The following PXK variants were observed in gnomAD, a reference collection of about 807,000 sequenced individuals.
PXK encodes PX domain-containing protein kinase-like protein.
Under a neutral mutation model 84.7 loss-of-function variants are expected in PXK, and 35 were observed. The observed-to-expected ratio is 0.41, with a 90% CI of 0.32 to 0.55. The LOEUF (loss-of-function observed/expected upper bound fraction) is 0.55, where lower values mean the gene tolerates loss of function less well. Among genes scored for constraint, PXK ranks in the 20% least tolerant of loss-of-function variants. PXK has a pLI of 0.21. For missense variants in PXK, 634 were observed against 699.7 expected (o/e 0.91, Z 1.06); for synonymous variants, 253 against 260.8 (o/e 0.97, Z 0.29).
In PXK at chr3:58,420,937, A is replaced by G. The variant is rs2061730706; in HGVS notation, c.1529-3815A>G. On this transcript the variant is annotated intron_variant, in intron 17 of 17. Coordinates refer to ENST00000356151, the MANE Select transcript of PXK (RefSeq NM_017771.5). ...TTGATTCCTAGTTACTCTGATGAAG[A>G]GGAAAGAGTGTTAGGCACTTGAGCT... is the stretch of plus-strand genomic sequence containing the variant. 4 of 1,088,698 alleles carry G rather than the reference A, an allele frequency of 3.7e-6. No homozygotes were observed. The South Asian group carries it at 1.0e-4, about 28-fold the overall frequency. 67.4% of individuals were successfully genotyped at this position (1,088,698 alleles called of 1,614,324 possible).
At position 58,333,239 on chromosome 3, in the gene PXK, G is replaced by A; in HGVS notation, c.102+149G>A. On this transcript the variant is annotated intron_variant, in intron 1 of 17. Coordinates refer to ENST00000356151, the MANE Select transcript of PXK (RefSeq NM_017771.5). The surrounding 1 kb of genome is among the most constrained non-coding windows in gnomAD (Gnocchi z 5.4). ...CTGGCCGAGAAGGCTGTGGCGCGCCGCTGGGTCTGGGTCAGGGCCCCTGGG... is the reference window on the plus strand; with the variant it reads ...CTGGCCGAGAAGGCTGTGGCGCGCCACTGGGTCTGGGTCAGGGCCCCTGGG... 1 of 360,998 alleles carries A rather than the reference G, an allele frequency of 2.8e-6. No individual in the cohort carries two copies. The highest frequency in any genetic ancestry group is 3.9e-6 in the Non-Finnish European group (1 of 254,608). The allele number at this position is 360,998 out of a possible 1,614,324, so 22.4% of individuals were successfully genotyped here.
intron 1 of PXK, among the ~76,000 whole-genome samples, chr3:58,354,750 A>T (rs1187912328): frequency 6.6e-6 from 1 of 151,086 alleles, no homozygotes; most frequent in Non-Finnish European, 1.5e-5. Context: ...GCCTGGCCCG[A>T]TTTCTTTAAG....
intron 1 of PXK, among the ~76,000 whole-genome samples, chr3:58,357,976 A>C (rs2098120097): frequency 6.6e-6 from 1 of 151,976 alleles, no homozygotes; most frequent in South Asian, 2.1e-4. Flanking sequence ...AAACAAAAAA[A>C]CAAAAAAACA....
At position 58,414,019 on chromosome 3, in the gene PXK, G is replaced by A. The variant is rs1342316519; in HGVS notation, c.1528+1056G>A. The A allele has an allele frequency of 2.0e-5, 3 of 152,100 alleles. No individual in the cohort carries two copies. Among genetic ancestry groups the A allele is most frequent in the Admixed American group, 6.6e-5 (1 of 15,264 alleles). The allele number at this position is 152,100 out of a possible 1,614,324, so 9.4% of individuals were successfully genotyped here. A position where few individuals can be genotyped will look rare whatever the true frequency, so the allele number is the denominator to read the frequency against. ...GCTGAATGTTCTAGGGCCTGTTTTG[G>A]GTAGCAAAGTACCTGGTCCATGGGA... On this transcript the variant is annotated intron_variant, in intron 17 of 17. Transcript: ENST00000356151. The surrounding 1 kb of genome is among the most constrained non-coding windows in gnomAD (Gnocchi z 4.5).
chr3:58,382,959 C>G (rs925437769), intron 4 of PXK, among the ~76,000 whole-genome samples: 1 of 152,184 alleles, frequency 6.6e-6, no homozygotes, highest in African/African-American at 2.4e-5. Flanking sequence ...TACTTATACT[C>G]TTGCCTTTAT....
At chr3:58,350,901 C>T (rs2097910029) in intron 1 of PXK, among the ~76,000 whole-genome samples, 3 of 152,154 alleles carry the variant, frequency 2.0e-5, no homozygotes, top group East Asian at 1.9e-4. Flanking sequence ...TTTATATGTA[C>T]GTTATCCTAA....
In PXK at chr3:58,398,350, G is replaced by A. The variant is rs967306053; in HGVS notation, c.1102+628G>A. ...CGCCTCTTGGGAGGTGGAGGTTGCA[G>A]TGAGCCGAGATTGCGCCACTGCACT... On this transcript the variant is annotated intron_variant, in intron 11 of 17. Transcript: ENST00000356151. This position sits in a 1 kb window ranked among gnomAD's most constrained non-coding sequence, Gnocchi z 4.5. Among the ~76,000 whole-genome samples the A allele has an allele frequency of 2.0e-5, 3 of 152,194 alleles. No individual in the cohort carries two copies. The highest frequency in any genetic ancestry group is 4.8e-5 in the African/African-American group (2 of 41,444).
chr3:58,369,404 C>T, intron 2 of PXK, 27 bp from the exon 3 acceptor site: 1 of 1,583,654 alleles, frequency 6.3e-7, no homozygotes, highest in Non-Finnish European at 8.7e-7. Context: ...TTTGCTGAAT[C>T]AAAACACTAC....
chr3:58,357,435 A>G lies in PXK; in HGVS notation c.103-8439A>G, dbSNP rs183858092. On this transcript the variant is annotated intron_variant, in intron 1 of 17. Transcript: ENST00000356151. Reference sequence around the variant, plus strand: ...CACATGGAGCTCTCCTATGATAGCAATGCCTTCTGGACACCTCCTGAAGGA... The same window carrying G: ...CACATGGAGCTCTCCTATGATAGCAGTGCCTTCTGGACACCTCCTGAAGGA... 2.2e-3 allele frequency among the ~76,000 whole-genome samples: 328 copies of G among 152,316 alleles called. 2 individuals carry two copies. The highest frequency in any genetic ancestry group is 3.0e-3 in the Non-Finnish European group (201 of 68,020).
At position 58,414,428 on chromosome 3, in the gene PXK, TG is replaced by T. The variant is rs1560129678; in HGVS notation, c.1528+1471del. ...GGAATTTACAATTTATTTGGACTTT[TG>T]GGGGGAATTCTCTAATTTATCTGTG... On this transcript the variant is annotated intron_variant, in intron 17 of 17. Transcript: ENST00000356151. The surrounding 1 kb of genome is among the most constrained non-coding windows in gnomAD (Gnocchi z 4.5). The T allele has an allele frequency of 1.3e-5, 2 of 152,252 alleles. No homozygotes were observed. Among genetic ancestry groups the T allele is most frequent in the African/African-American group, 2.4e-5 (1 of 41,466 alleles). The allele number at this position is 152,252 out of a possible 1,614,324, so 9.4% of individuals were successfully genotyped here. A position where few individuals can be genotyped will look rare whatever the true frequency, so the allele number is the denominator to read the frequency against.
chr3:58,415,898 G>A (rs1016495323), intron 17 of PXK, among the ~76,000 whole-genome samples: 1 of 152,170 alleles, frequency 6.6e-6, no homozygotes, highest in Non-Finnish European at 1.5e-5. Flanking sequence ...AGCTTAAAAG[G>A]GCGGGACATC....
chr3:58,357,796 A>G (rs1412955693), intron 1 of PXK, among the ~76,000 whole-genome samples: 1 of 152,072 alleles, frequency 6.6e-6, no homozygotes, highest in Non-Finnish European at 1.5e-5. Context: ...CTAAAAATAC[A>G]AAAATTAGCC....
At position 58,333,605 on chromosome 3, in the gene PXK, G is replaced by A. The variant is rs1559817771; in HGVS notation, c.102+515G>A. 1 of 456,700 alleles carries A rather than the reference G, an allele frequency of 2.2e-6. No individual in the cohort carries two copies. 28.3% of individuals were successfully genotyped at this position (456,700 alleles called of 1,614,324 possible). On this transcript the variant is annotated intron_variant, in intron 1 of 17. Coordinates refer to ENST00000356151, the MANE Select transcript of PXK (RefSeq NM_017771.5). The surrounding 1 kb of genome is among the most constrained non-coding windows in gnomAD (Gnocchi z 5.4). ...GGACAGCAGAGTGTAAGTGGCTGGG[G>A]TCTGCAGCCCCGTTTCCAGGTCAGC...
intron 12 of PXK, among the ~76,000 whole-genome samples, chr3:58,402,831 T>C (rs2058798353): frequency 6.6e-6 from 1 of 151,290 alleles, no homozygotes; most frequent in African/African-American, 2.4e-5. Context: ...CTTTTAGGTG[T>C]GGGGGTACAT....
At chr3:58,391,333 G>C (rs529725594) in intron 6 of PXK, 113 bp downstream of exon 6, 3 of 889,472 alleles carry the variant, frequency 3.4e-6, no homozygotes, top group African/African-American at 3.4e-5. Flanking sequence ...TGATGTAAAG[G>C]CTTCCTTGGT....
rs943995123 is a variant in PXK, at chr3:58,394,986, T to G, written c.616-12T>G. 1 of 1,591,326 alleles carries G rather than the reference T, an allele frequency of 6.3e-7. No homozygotes were observed. The highest frequency in any genetic ancestry group is 1.1e-5 in the South Asian group (1 of 90,412). ...ACGCAAATCAATGTGAATTTCTTTT[T>G]TGTTTTGACAGCACCCTTACATCTA... On this transcript the variant is annotated splice_polypyrimidine_tract_variant and intron_variant, in intron 7 of 17. Transcript: ENST00000356151.
At chr3:58,375,219 C>T (rs2098428613) in intron 3 of PXK, among the ~76,000 whole-genome samples, 1 of 152,194 alleles carries the variant, frequency 6.6e-6, no homozygotes, top group Non-Finnish European at 1.5e-5. Context: ...GATGTGGACT[C>T]AGCTGGGGAT....
chr3:58,405,693 G>T (rs1052386259), intron 13 of PXK, among the ~76,000 whole-genome samples: 2 of 141,076 alleles, frequency 1.4e-5, no homozygotes. Context: ...AAAAAAAAAA[G>T]GAGAAATGAT....
At chr3:58,342,371 G>A (rs888883870) in intron 1 of PXK, among the ~76,000 whole-genome samples, 2 of 149,558 alleles carry the variant, frequency 1.3e-5, no homozygotes, top group South Asian at 4.2e-4. Flanking sequence ...GGCCAGGCAC[G>A]GTGGCTCTTG....
Sources: allele counts gnomAD v4.1 joint callset (sites outside exome capture counted in the v4.1 genomes callset), GRCh38; gene constraint gnomAD v4.1.1; non-coding constraint Gnocchi (gnomAD v3.1); transcripts MANE v1.5; gene names NCBI Gene and HGNC (gene_info 2026-07-23, HGNC 2026-07-21).